Variants in NRG1 observed in about 807,000 individuals in gnomAD.
The protein encoded by NRG1 is pro-neuregulin-1, membrane-bound isoform.
NRG1 carries 18 observed loss-of-function variants against 63.8 expected under a neutral mutation model. The observed-to-expected ratio is 0.28, with a 90% CI of 0.19 to 0.42. The LOEUF (loss-of-function observed/expected upper bound fraction) is 0.42, where lower values mean the gene tolerates loss of function less well. Among genes scored for constraint, NRG1 ranks in the 10% least tolerant of loss-of-function variants. NRG1 has a pLI of 1.00. For missense variants in NRG1, 762 were observed against 814.7 expected, an observed-to-expected ratio of 0.94 and a Z score of 0.79; for synonymous variants, 302 against 301.3, an observed-to-expected ratio of 1.00 and a Z score of -0.02.
chr8:32,694,055 G>A (rs1812593551), intron 5 of NRG1, among the ~76,000 whole-genome samples: 1 of 152,138 alleles, frequency 6.6e-6, no homozygotes, highest in Admixed American at 6.5e-5. Context: ...GGTTTCAGCT[G>A]TGCTTCCATA....
At chr8:32,067,028 T>G (rs983164993) in intron 1 of NRG1, among the ~76,000 whole-genome samples, 1 of 152,156 alleles carries the variant, frequency 6.6e-6, no homozygotes, top group Non-Finnish European at 1.5e-5. Context: ...TGATTTTTGC[T>G]CATCGATTTT....
chr8:31,982,377 C>T (rs754612514), intron 1 of NRG1, among the ~76,000 whole-genome samples: 38 of 151,878 alleles, frequency 2.5e-4, no homozygotes, highest in Admixed American at 1.3e-3. Flanking sequence ...ATGGGAAGAC[C>T]ATTTGAAGGC....
chr8:31,865,490 A>G (rs1055110032), intron 1 of NRG1, among the ~76,000 whole-genome samples: 1 of 152,084 alleles, frequency 6.6e-6, no homozygotes, highest in Non-Finnish European at 1.5e-5. Context: ...TGTACTTCCC[A>G]TAATCTCCAT....
At chr8:31,794,040 C>G (rs1320851950) in intron 1 of NRG1, among the ~76,000 whole-genome samples, 1 of 151,870 alleles carries the variant, frequency 6.6e-6, no homozygotes, top group Non-Finnish European at 1.5e-5. Flanking sequence ...TCTGCTGGTT[C>G]CTCCTAACAG....
intron 1 of NRG1, among the ~76,000 whole-genome samples, chr8:32,192,396 T>C (rs1842578938): frequency 6.6e-6 from 1 of 152,162 alleles, no homozygotes; most frequent in Non-Finnish European, 1.5e-5. Context: ...CACCATGTAA[T>C]ACTACGCAGC....
At chr8:31,671,726 C>T (rs974167141) in intron 1 of NRG1, among the ~76,000 whole-genome samples, 4 of 152,170 alleles carry the variant, frequency 2.6e-5, no homozygotes, top group Admixed American at 6.5e-5. Context: ...GGAACATTTT[C>T]GTGGGACATA....
intron 1 of NRG1, among the ~76,000 whole-genome samples, chr8:31,644,267 T>G (rs1487023511): frequency 1.3e-5 from 2 of 152,196 alleles, no homozygotes; most frequent in Non-Finnish European, 2.9e-5. Flanking sequence ...TTAAACTTTA[T>G]AAATCTTGCT....
chr8:32,667,821 C>G (rs955099675), intron 5 of NRG1, among the ~76,000 whole-genome samples: 1 of 152,064 alleles, frequency 6.6e-6, no homozygotes, highest in Admixed American at 6.5e-5. Flanking sequence ...AATGCAGTTG[C>G]CTCTTTGAAT....
intron 1 of NRG1, among the ~76,000 whole-genome samples, chr8:31,842,180 A>T (rs2129607864): frequency 6.6e-6 from 1 of 152,366 alleles, no homozygotes; most frequent in African/African-American, 2.4e-5. Flanking sequence ...TAATTGTTGG[A>T]CAATTGCTCT....
At chr8:32,559,289 T>C (rs1835894042) in intron 1 of NRG1, among the ~76,000 whole-genome samples, 1 of 142,332 alleles carries the variant, frequency 7.0e-6, no homozygotes, top group Admixed American at 7.4e-5. Flanking sequence ...TATAAGAATC[T>C]GGTTTTTGAT....
chr8:32,236,110 T>A (rs1025718191), intron 1 of NRG1, among the ~76,000 whole-genome samples: 10 of 151,722 alleles, frequency 6.6e-5, no homozygotes, highest in African/African-American at 2.4e-4. Flanking sequence ...GATTAAGATT[T>A]TTTTGTTTTT....
chr8:31,853,903 C>A (rs1160885366), intron 1 of NRG1, among the ~76,000 whole-genome samples: 2 of 151,616 alleles, frequency 1.3e-5, no homozygotes, highest in Non-Finnish European at 2.9e-5. Context: ...TGTTTTTATG[C>A]TGGATTACAT....
chr8:32,183,574 A>G (rs1405194831), intron 1 of NRG1, among the ~76,000 whole-genome samples: 1 of 152,166 alleles, frequency 6.6e-6, no homozygotes, highest in Non-Finnish European at 1.5e-5. Context: ...ACCAATATTA[A>G]CATCACTAAA....
chr8:32,283,226 A>G (rs16879110), intron 1 of NRG1, among the ~76,000 whole-genome samples: 7,434 of 152,266 alleles, frequency 0.049, 466 homozygotes, highest in African/African-American at 0.14. Flanking sequence ...ATAATTGATG[A>G]TATTTAAAGA....
chr8:31,944,099 C>T (rs1040462078), intron 1 of NRG1, among the ~76,000 whole-genome samples: 2 of 152,156 alleles, frequency 1.3e-5, no homozygotes, highest in African/African-American at 2.4e-5. Context: ...CATAGAATGA[C>T]ATTTACTTTT....
At chr8:32,291,206 C>A (rs554429946) in intron 1 of NRG1, among the ~76,000 whole-genome samples, 6 of 152,292 alleles carry the variant, frequency 3.9e-5, no homozygotes, top group African/African-American at 1.4e-4. Context: ...GTAGGGCAAT[C>A]TGTTTTAGTC....
At chr8:31,820,339 T>C (rs1823886099) in intron 1 of NRG1, among the ~76,000 whole-genome samples, 1 of 152,132 alleles carries the variant, frequency 6.6e-6, no homozygotes, top group Non-Finnish European at 1.5e-5. Flanking sequence ...ATAGAAAGAC[T>C]TGTATGTATT....
chr8:31,891,116 T>C (rs1831112364), intron 1 of NRG1, among the ~76,000 whole-genome samples: 1 of 152,202 alleles, frequency 6.6e-6, no homozygotes, highest in Non-Finnish European at 1.5e-5. Flanking sequence ...GACTTGATAC[T>C]GAGATCACAA....
intron 1 of NRG1, among the ~76,000 whole-genome samples, chr8:32,355,909 A>G (rs770187305): frequency 1.3e-5 from 2 of 152,208 alleles, no homozygotes; most frequent in Admixed American, 1.3e-4. Context: ...AGGAGGGGAC[A>G]TGAACATGTG....
Sources: gnomAD v4.1 joint callset for allele counts (sites outside exome capture counted in the v4.1 genomes callset) on GRCh38, gnomAD v4.1.1 for gene constraint, MANE v1.5 for transcripts, NCBI Gene and HGNC (gene_info 2026-07-23, HGNC 2026-07-21) for gene names.